ATG10: variants seen among roughly 807,000 people sequenced by gnomAD.
ATG10 encodes ubiquitin-like-conjugating enzyme ATG10.
Under a neutral mutation model 32.1 loss-of-function variants are expected in ATG10, and 30 were observed. That is an observed-to-expected ratio of 0.94 (90% CI 0.70 to 1.27). The LOEUF (loss-of-function observed/expected upper bound fraction) is 1.27. Ranked by LOEUF, ATG10 falls within the 50% of genes most tolerant of loss-of-function variation. The probability of loss-of-function intolerance (pLI) is 0.00; values close to 1 mark genes in which losing one functional copy is unlikely to be tolerated. For synonymous variants in ATG10, 87 were observed against 91.5 expected (o/e 0.95, Z 0.28); for missense variants, 233 against 262.3 (o/e 0.89, Z 0.77).
chr5:81,991,972 G>A (rs1045293746), intron 2 of ATG10: 1 of 151,770 alleles, frequency 6.6e-6, no homozygotes, highest in African/African-American at 2.4e-5. Context: ...GACCACAAAT[G>A]TGCATCACCA....
intron 3 of ATG10, among the ~76,000 whole-genome samples, chr5:82,139,601 C>A (rs528634648): frequency 1.8e-4 from 27 of 149,312 alleles, no homozygotes; most frequent in African/African-American, 4.8e-4. Flanking sequence ...AGCCTCTCCG[C>A]CCGGCAGCCA....
intron 5 of ATG10, among the ~76,000 whole-genome samples, chr5:82,235,184 T>C (rs1372575206): frequency 6.6e-6 from 1 of 152,164 alleles, no homozygotes; most frequent in Non-Finnish European, 1.5e-5. Context: ...TCTTCTTTCC[T>C]TTCCTCTATT....
chr5:82,037,279 G>A (rs1233685734), intron 2 of ATG10, among the ~76,000 whole-genome samples: 1 of 83,222 alleles, frequency 1.2e-5, no homozygotes, highest in African/African-American at 4.8e-5. Flanking sequence ...ACGGAGTCTC[G>A]CTCTGTCGCC....
chr5:82,219,640 G>C (rs1745838916), intron 5 of ATG10, among the ~76,000 whole-genome samples: 1 of 152,202 alleles, frequency 6.6e-6, no homozygotes, highest in Non-Finnish European at 1.5e-5. Context: ...GGCAAGGACT[G>C]TTGGGCCAAT....
At chr5:82,210,596 G>A (rs1745456826) in intron 5 of ATG10, among the ~76,000 whole-genome samples, 1 of 152,028 alleles carries the variant, frequency 6.6e-6, no homozygotes, top group African/African-American at 2.4e-5. Context: ...CAGTGTTTTT[G>A]TAACACTCTG....
Position 82,044,765 on chromosome 5 carries a change from C to G in ATG10, c.109-13730C>G, listed in dbSNP as rs140398786. ...CTATTCTCACTGGTGGGAATATGAACTATTCCTAGCCCTATGTGCATTCTG... is the reference window on the plus strand; with the variant it reads ...CTATTCTCACTGGTGGGAATATGAAGTATTCCTAGCCCTATGTGCATTCTG... On this transcript the variant is annotated intron_variant, in intron 2 of 7. Coordinates refer to ENST00000282185, the MANE Select transcript of ATG10 (RefSeq NM_031482.5). Among the ~76,000 whole-genome samples the G allele has an allele frequency of 3.9e-5, 6 of 152,316 alleles. No homozygotes were observed. The East Asian group carries it at 1.2e-3, about 29-fold the overall frequency.
intron 5 of ATG10, among the ~76,000 whole-genome samples, chr5:82,194,153 C>T (rs1744765923): frequency 6.6e-6 from 1 of 152,040 alleles, no homozygotes; most frequent in Non-Finnish European, 1.5e-5. Flanking sequence ...AGTGGAGACA[C>T]ATTGGAACTA....
intron 5 of ATG10, among the ~76,000 whole-genome samples, chr5:82,225,722 C>T (rs185996177): frequency 2.6e-5 from 4 of 152,256 alleles, no homozygotes; most frequent in Admixed American, 6.5e-5. Context: ...TAAGGAGTGT[C>T]TCTGTGCCTA....
chr5:82,151,626 CAA>C (rs530575677), intron 3 of ATG10, among the ~76,000 whole-genome samples: 102 of 98,378 alleles, frequency 1.0e-3, no homozygotes, highest in Middle Eastern at 5.2e-3. Context: ...ATCCCTGGAA[CAA>C]AAAAAAAAAA....
intron 2 of ATG10, among the ~76,000 whole-genome samples, chr5:81,989,327 G>A (rs1214790891): frequency 2.0e-5 from 3 of 152,178 alleles, no homozygotes; most frequent in African/African-American, 4.8e-5. Flanking sequence ...CCTGGGAGGC[G>A]TAGGTTTTGA....
intron 5 of ATG10, among the ~76,000 whole-genome samples, chr5:82,183,625 TA>T (rs1395037652): frequency 6.6e-6 from 1 of 152,164 alleles, no homozygotes; most frequent in Non-Finnish European, 1.5e-5. Context: ...ATTAATTCAT[TA>T]GTGATTGCAA....
intron 1 of ATG10, among the ~76,000 whole-genome samples, chr5:81,985,334 T>C (rs1040193868): frequency 3.9e-5 from 6 of 152,234 alleles, no homozygotes; most frequent in Non-Finnish European, 8.8e-5. Flanking sequence ...CATATTAGTC[T>C]TCTCTTGCTA....
chr5:82,139,335 G>C (rs1315531245), intron 3 of ATG10, among the ~76,000 whole-genome samples: 6 of 149,932 alleles, frequency 4.0e-5, no homozygotes, highest in Non-Finnish European at 7.4e-5. Flanking sequence ...CCTCTGCCTG[G>C]CTGCCCAGTC....
chr5:82,174,691 T>A (rs1243741577), intron 4 of ATG10, among the ~76,000 whole-genome samples: 1 of 152,184 alleles, frequency 6.6e-6, no homozygotes, highest in Non-Finnish European at 1.5e-5. Flanking sequence ...AAATATTGGT[T>A]GAATTTGCTG....
intron 5 of ATG10, among the ~76,000 whole-genome samples, chr5:82,204,413 A>G (rs1449487259): frequency 6.6e-6 from 1 of 152,216 alleles, no homozygotes; most frequent in African/African-American, 2.4e-5. Flanking sequence ...TATCTTTTTG[A>G]TAAATAATTT....
In ATG10 at chr5:82,155,042, T is replaced by C. The variant is rs145650242; in HGVS notation, c.217-9357T>C. Reference sequence around the variant, plus strand: ...GTCTGTTTATGAAGGCTTTATCATTTTCACTCTTTGGCAGAGAAATTTACT... The same window carrying C: ...GTCTGTTTATGAAGGCTTTATCATTCTCACTCTTTGGCAGAGAAATTTACT... On this transcript the variant is annotated intron_variant, in intron 3 of 7. Transcript: ENST00000282185. 8.5e-5 allele frequency among the ~76,000 whole-genome samples: 13 copies of C among 152,334 alleles called. No individual in the cohort carries two copies. The East Asian group carries it at 2.5e-3, about 29-fold the overall frequency.
intron 3 of ATG10, among the ~76,000 whole-genome samples, chr5:82,121,715 G>GATAATGATGTGGTTTTTGTC (rs1766046012): frequency 6.6e-6 from 1 of 152,146 alleles, no homozygotes; most frequent in Non-Finnish European, 1.5e-5. Flanking sequence ...CATCTATTGA[G>GATAATGATGTGGTTTTTGTC]ATAATGATGT....
At chr5:82,056,625 T>A (rs1763609358) in intron 2 of ATG10, among the ~76,000 whole-genome samples, 1 of 149,510 alleles carries the variant, frequency 6.7e-6, no homozygotes, top group South Asian at 2.1e-4. Context: ...TCCCTGGAGC[T>A]GTAATCATTT....
intron 3 of ATG10, among the ~76,000 whole-genome samples, chr5:82,145,237 G>A (rs1168469171): frequency 6.6e-6 from 1 of 151,870 alleles, no homozygotes; most frequent in Non-Finnish European, 1.5e-5. Flanking sequence ...TTAGTGCATT[G>A]GCATTTATGT....
Sources: allele counts gnomAD v4.1 joint callset (sites outside exome capture counted in the v4.1 genomes callset), GRCh38; gene constraint gnomAD v4.1.1; transcripts MANE v1.5; gene names NCBI Gene and HGNC (gene_info 2026-07-23, HGNC 2026-07-21).